Variants in DAP observed in about 807,000 individuals in gnomAD.
DAP encodes death-associated protein 1.
A neutral mutation model predicts 13.8 loss-of-function variants in DAP; 8 were observed. The ratio of observed to expected loss-of-function variants is 0.58; its 90% CI spans 0.34 to 1.05. The LOEUF is 1.05. Ranked by LOEUF, DAP falls within the 50% of genes least tolerant of loss-of-function variation. The pLI is 0.03. For synonymous variants in DAP, 47 were observed against 47.5 expected (o/e 0.99, Z 0.04); for missense variants, 106 against 133.2 (o/e 0.80, Z 1.01).
At chr5:10,722,571 TAC>T (rs1561022375) in intron 2 of DAP, among the ~76,000 whole-genome samples, 3 of 146,980 alleles carry the variant, frequency 2.0e-5, no homozygotes, top group African/African-American at 7.5e-5. Context: ...TATATATACA[TAC>T]ATACATATAT....
chr5:10,736,082 G>A (rs779852302), intron 2 of DAP, among the ~76,000 whole-genome samples: 1 of 152,316 alleles, frequency 6.6e-6, no homozygotes, highest in South Asian at 2.1e-4. Context: ...GAGAACGTCA[G>A]GCAAAGGCAG....
intron 2 of DAP, among the ~76,000 whole-genome samples, chr5:10,719,492 G>A (rs1403988498): frequency 2.0e-5 from 3 of 152,354 alleles, no homozygotes; most frequent in African/African-American, 7.2e-5. Flanking sequence ...ATCTTCTGCA[G>A]ATAACTACTC....
chr5:10,739,995 G>A (rs1201165339), intron 2 of DAP, among the ~76,000 whole-genome samples: 2 of 152,180 alleles, frequency 1.3e-5, no homozygotes, highest in African/African-American at 4.8e-5. Context: ...GAAACAAACA[G>A]TTAACAGAAT....
intron 2 of DAP, among the ~76,000 whole-genome samples, chr5:10,729,471 A>C (rs1226957886): frequency 6.6e-6 from 1 of 152,034 alleles, no homozygotes; most frequent in Non-Finnish European, 1.5e-5. Flanking sequence ...TTTCATTATC[A>C]CTCTGAAACT....
In DAP at chr5:10,707,040, G is replaced by A. The variant is rs1395076973; in HGVS notation, c.153-23469C>T. ...GTTCAAAACCCACATGGAGAAGTCA[G>A]AGGGGACTGGCCTTAAAAAAAGCCA... On this transcript the variant is annotated intron_variant, in intron 2 of 3. Coordinates refer to ENST00000230895, the MANE Select transcript of DAP (RefSeq NM_004394.3). This position sits in a 1 kb window ranked among gnomAD's most constrained non-coding sequence, Gnocchi z 4.0. Among the ~76,000 whole-genome samples the A allele has an allele frequency of 6.6e-6, 1 of 152,216 alleles. No homozygotes were observed. The highest frequency in any genetic ancestry group is 1.5e-5 in the Non-Finnish European group (1 of 68,038).
intron 1 of DAP, among the ~76,000 whole-genome samples, chr5:10,749,574 G>T (rs987315412): frequency 6.6e-6 from 1 of 152,110 alleles, no homozygotes; most frequent in Admixed American, 6.5e-5. Flanking sequence ...TGTGTTGTAA[G>T]GGGTCGGGTA....
At chr5:10,682,691 C>A (rs1216801904) in intron 3 of DAP, among the ~76,000 whole-genome samples, 1 of 152,252 alleles carries the variant, frequency 6.6e-6, no homozygotes, top group Non-Finnish European at 1.5e-5. Context: ...CAATCAAAAC[C>A]AGGGAATGGC....
At chr5:10,743,007 C>T (rs896931952) in intron 2 of DAP, among the ~76,000 whole-genome samples, 3 of 152,132 alleles carry the variant, frequency 2.0e-5, no homozygotes, top group Non-Finnish European at 4.4e-5. Context: ...CATCCAACAG[C>T]ACCAAGTTCA....
intron 2 of DAP, among the ~76,000 whole-genome samples, chr5:10,720,795 A>G (rs370211951): frequency 6.6e-6 from 1 of 152,236 alleles, no homozygotes; most frequent in African/African-American, 2.4e-5. Context: ...CTTTTCCATC[A>G]TGGAAGATGG....
intron 1 of DAP, 75 bp from the exon 2 acceptor site, chr5:10,748,346 G>T: frequency 8.0e-7 from 1 of 1,253,012 alleles, no homozygotes; most frequent in Non-Finnish European, 1.2e-6. Context: ...CAGCTGGAAA[G>T]GTTCTGGTTG....
In DAP at chr5:10,707,005, G is replaced by T. The variant is rs1474095074; in HGVS notation, c.153-23434C>A. Among the ~76,000 whole-genome samples the T allele has an allele frequency of 2.0e-5, 3 of 152,160 alleles. No individual in the cohort carries two copies. The highest frequency in any genetic ancestry group is 4.4e-5 in the Non-Finnish European group (3 of 68,028). On this transcript the variant is annotated intron_variant, in intron 2 of 3. Transcript: ENST00000230895. This position sits in a 1 kb window ranked among gnomAD's most constrained non-coding sequence, Gnocchi z 4.0. ...TCCCACAACTATAAGAGGGAAGGAT[G>T]GCAGGCTAAGTTCAAAACCCACATG...
rs3733763 is a variant in DAP at position 10,680,360 on chromosome 5, G to C, written c.*696C>G. The C allele has an allele frequency of 1.1e-5, 3 of 261,160 alleles. No homozygotes were observed. The highest frequency in any genetic ancestry group is 1.9e-4 in the East Asian group (2 of 10,510). The allele number at this position is 261,160 out of a possible 1,614,324, so 16.2% of individuals were successfully genotyped here. On this transcript the variant is annotated 3_prime_UTR_variant, in exon 4 of 4. Transcript: ENST00000230895. ...TGGTGGAGCCTGTCTGGGCTGAGGC[G>C]ATGCTGGGCTTGCCGTGCCGAGATC...
intron 2 of DAP, among the ~76,000 whole-genome samples, chr5:10,731,458 C>CTCACACAGTT: frequency 6.6e-6 from 1 of 152,196 alleles, no homozygotes; most frequent in East Asian, 1.9e-4. Flanking sequence ...GTGAGGGTTC[C>CTCACACAGTT]TGAACCTCAC....
At chr5:10,697,035 C>T (rs368680099) in intron 2 of DAP, among the ~76,000 whole-genome samples, 69 of 152,206 alleles carry the variant, frequency 4.5e-4, no homozygotes, top group African/African-American at 1.5e-3. Flanking sequence ...TCATTAAGGG[C>T]AAGGGGCAAA....
chr5:10,725,307 C>A (rs1739260768), intron 2 of DAP, among the ~76,000 whole-genome samples: 1 of 152,348 alleles, frequency 6.6e-6, no homozygotes, highest in South Asian at 2.1e-4. Context: ...TAGCCTCTGA[C>A]ATGGTTATGC....
intron 1 of DAP, among the ~76,000 whole-genome samples, chr5:10,750,478 G>A (rs1431617225): frequency 1.3e-5 from 2 of 152,124 alleles, no homozygotes; most frequent in Admixed American, 6.5e-5. Context: ...CCTGCTGCCC[G>A]CACCTCTTCT....
At position 10,744,580 on chromosome 5, in the gene DAP, T is replaced by C. The variant is rs187051294; in HGVS notation, c.152+3595A>G. Among the ~76,000 whole-genome samples the C allele has an allele frequency of 3.4e-3, 512 of 152,294 alleles. 1 individual carries two copies. The highest frequency in any genetic ancestry group is 0.02 in the Middle Eastern group (6 of 294). On this transcript the variant is annotated intron_variant, in intron 2 of 3. Coordinates refer to ENST00000230895, the MANE Select transcript of DAP (RefSeq NM_004394.3). ...ACAGAGAGATCAGGATTGCAATCTA[T>C]GTGGATCCAGGGACTTACGTGACAT...
chr5:10,694,016 G>T (rs1431750221), intron 2 of DAP, among the ~76,000 whole-genome samples: 1 of 152,120 alleles, frequency 6.6e-6, no homozygotes, highest in Non-Finnish European at 1.5e-5. Context: ...CCTTGCTTGG[G>T]GTCCTGGGGG....
chr5:10,749,776 C>T (rs1444384324), intron 1 of DAP, among the ~76,000 whole-genome samples: 2 of 145,586 alleles, frequency 1.4e-5, no homozygotes, highest in African/African-American at 5.1e-5. Context: ...GCTATAATAC[C>T]AGTTATCCTC....
Sources: allele counts gnomAD v4.1 joint callset (sites outside exome capture counted in the v4.1 genomes callset), GRCh38; gene constraint gnomAD v4.1.1; non-coding constraint Gnocchi (gnomAD v3.1); transcripts MANE v1.5; gene names NCBI Gene and HGNC (gene_info 2026-07-23, HGNC 2026-07-21).